CENPP: variants seen among roughly 807,000 people sequenced by gnomAD.
CENPP encodes the protein centromere protein P.
A neutral mutation model predicts 35.6 loss-of-function variants in CENPP; 24 were observed. The ratio of observed to expected loss-of-function variants is 0.67; its 90% CI spans 0.49 to 0.95. The LOEUF is 0.95. Among genes scored for constraint, CENPP ranks in the 40% least tolerant of loss-of-function variants. CENPP has a pLI of 0.00. For missense variants in CENPP, 332 were observed against 345.3 expected (o/e 0.96, Z 0.31); for synonymous variants, 120 against 125.5 (o/e 0.96, Z 0.29).
chr9:92,505,422 G>A, intron 5 of CENPP: 2 of 965,442 alleles, frequency 2.1e-6, no homozygotes, highest in Non-Finnish European at 1.5e-6. Context: ...TCTGTATACA[G>A]CATGAAACTA....
intron 5 of CENPP, among the ~76,000 whole-genome samples, chr9:92,504,558 C>T (rs771949984): frequency 5.9e-5 from 9 of 152,120 alleles, no homozygotes; most frequent in South Asian, 2.1e-4. Context: ...TTTGTAGAGA[C>T]AGGGTCTCTC....
At chr9:92,357,352 A>T (rs1841616320) in intron 4 of CENPP, among the ~76,000 whole-genome samples, 1 of 151,834 alleles carries the variant, frequency 6.6e-6, no homozygotes, top group South Asian at 2.1e-4. Flanking sequence ...AATGATAACC[A>T]ACTCCCTCAA....
intron 5 of CENPP, chr9:92,517,113 G>A (rs892329933): frequency 6.5e-6 from 1 of 154,354 alleles, no homozygotes; most frequent in Non-Finnish European, 1.4e-5. Flanking sequence ...CCCGCGCTGT[G>A]ATCTCCTGCA....
chr9:92,458,406 TA>T (rs1397678038), intron 5 of CENPP, among the ~76,000 whole-genome samples: 2 of 152,196 alleles, frequency 1.3e-5, no homozygotes, highest in Non-Finnish European at 2.9e-5. Flanking sequence ...TATGTCTTAG[TA>T]AGACTGATAT....
chr9:92,502,418 C>A, intron 5 of CENPP: 1 of 1,454,478 alleles, frequency 6.9e-7, no homozygotes, highest in Non-Finnish European at 9.5e-7. Context: ...ATCGTCACCT[C>A]CCTCACTTAT....
intron 5 of CENPP, among the ~76,000 whole-genome samples, chr9:92,548,500 A>G (rs1849520733): frequency 1.3e-5 from 2 of 152,234 alleles, no homozygotes; most frequent in African/African-American, 4.8e-5. Flanking sequence ...AAACTTTTCT[A>G]CAACACAAAT....
chr9:92,596,467 A>G (rs1314545772), intron 5 of CENPP, among the ~76,000 whole-genome samples: 117 of 150,206 alleles, frequency 7.8e-4, no homozygotes, highest in African/African-American at 2.3e-3. Flanking sequence ...AAAAAAAAAA[A>G]AAAGAAAGAA....
intron 4 of CENPP, among the ~76,000 whole-genome samples, chr9:92,368,096 A>G (rs1841931648): frequency 6.6e-6 from 1 of 152,192 alleles, no homozygotes; most frequent in Non-Finnish European, 1.5e-5. Flanking sequence ...TTATGTGTGA[A>G]TAAGTTAAGA....
At chr9:92,546,870 C>A (rs888128330) in intron 5 of CENPP, among the ~76,000 whole-genome samples, 2 of 152,250 alleles carry the variant, frequency 1.3e-5, no homozygotes, top group Middle Eastern at 3.4e-3. Context: ...ATATTGAGTT[C>A]ATAATTTCAA....
intron 3 of CENPP, among the ~76,000 whole-genome samples, chr9:92,339,220 C>T (rs1431482668): frequency 6.6e-6 from 1 of 152,200 alleles, no homozygotes; most frequent in Non-Finnish European, 1.5e-5. Context: ...TGCTTATATT[C>T]AGGGTCATGT....
At chr9:92,569,243 GAATT>G (rs1276066333) in intron 5 of CENPP, among the ~76,000 whole-genome samples, 1 of 152,166 alleles carries the variant, frequency 6.6e-6, no homozygotes, top group African/African-American at 2.4e-5. Flanking sequence ...AATTCATCTT[GAATT>G]AATTTTTGTA....
intron 5 of CENPP, among the ~76,000 whole-genome samples, chr9:92,433,034 A>G (rs1228609233): frequency 7.2e-5 from 11 of 152,214 alleles, no homozygotes; most frequent in Admixed American, 5.9e-4. Context: ...GAGATACCAC[A>G]AAGCAAAAAG....
intron 5 of CENPP, among the ~76,000 whole-genome samples, chr9:92,439,464 C>T (rs1424763552): frequency 6.6e-6 from 1 of 152,142 alleles, no homozygotes; most frequent in South Asian, 2.1e-4. Context: ...CTCCCCAGCC[C>T]CCACTAGCTA....
chr9:92,424,962 C>T (rs1843923765), intron 5 of CENPP, among the ~76,000 whole-genome samples: 1 of 152,192 alleles, frequency 6.6e-6, no homozygotes, highest in African/African-American at 2.4e-5. Context: ...AGGCATGAGC[C>T]ACCACGCCTG....
intron 5 of CENPP, among the ~76,000 whole-genome samples, chr9:92,412,301 A>G (rs774832086): frequency 6.6e-6 from 1 of 152,040 alleles, no homozygotes; most frequent in African/African-American, 2.4e-5. Flanking sequence ...TGCCTAGGCC[A>G]GTCTTGAACT....
intron 4 of CENPP, among the ~76,000 whole-genome samples, chr9:92,362,733 A>G (rs1408005642): frequency 1.3e-5 from 2 of 152,156 alleles, no homozygotes; most frequent in Non-Finnish European, 2.9e-5. Flanking sequence ...ACTCTCTACT[A>G]TGATGTTTGC....
rs1402395637 is a variant in CENPP at position 92,616,267 on chromosome 9, C to A, written c.*3118C>A. On this transcript the variant is annotated 3_prime_UTR_variant, in exon 8 of 8. Transcript: ENST00000375587. The stretch of plus-strand genomic sequence containing the variant: ...AGCACTCGTTCTGTGCACCTGTGAT[C>A]TGTGCGTGTGACAGCTGTCTGTGCC... The A allele has an allele frequency of 1.2e-5, 6 of 519,856 alleles. No individual in the cohort carries two copies. Among genetic ancestry groups the A allele is most frequent in the African/African-American group, 1.2e-4 (6 of 52,128 alleles). 32.2% of individuals were successfully genotyped at this position (519,856 alleles called of 1,614,324 possible). A position where few individuals can be genotyped will look rare whatever the true frequency, so the allele number is the denominator to read the frequency against.
At chr9:92,326,127 C>CCCAGGGCCCGCTGGCCAGGGTT (rs1840484525) in intron 1 of CENPP, 22 bp downstream of exon 1, 1 of 1,469,234 alleles carries the variant, frequency 6.8e-7, no homozygotes, top group African/African-American at 1.4e-5. Context: ...CCCCAAGTCC[C>CCCAGGGCCCGCTGGCCAGGGTT]CCAGGGCCCG....
intron 5 of CENPP, among the ~76,000 whole-genome samples, chr9:92,445,346 T>C (rs1844526946): frequency 6.6e-6 from 1 of 152,084 alleles, no homozygotes; most frequent in Admixed American, 6.6e-5. Context: ...AGCATCTCTG[T>C]CTTCCCTCAT....
Sources: allele counts gnomAD v4.1 joint callset (sites outside exome capture counted in the v4.1 genomes callset), GRCh38; gene constraint gnomAD v4.1.1; transcripts MANE v1.5; gene names NCBI Gene and HGNC (gene_info 2026-07-23, HGNC 2026-07-21).